LATS1: variants seen among roughly 807,000 people sequenced by gnomAD.
LATS1 encodes large tumor suppressor kinase 1.
A neutral mutation model predicts 106.6 loss-of-function variants in LATS1; 25 were observed. That is an observed-to-expected ratio of 0.23 (90% CI 0.17 to 0.33). The LOEUF (loss-of-function observed/expected upper bound fraction) is 0.33. Among genes scored for constraint, LATS1 ranks in the 10% least tolerant of loss-of-function variants. The pLI, the probability that LATS1 is intolerant of heterozygous loss-of-function variation, is 1.00. For synonymous variants in LATS1, 465 were observed against 455.6 expected, an observed-to-expected ratio of 1.02 and a Z score of -0.26; for missense variants, 1,040 against 1,382.6, an observed-to-expected ratio of 0.75 and a Z score of 3.93.
chr6:149,689,159 CTT>C (rs1266070456), intron 3 of LATS1, among the ~76,000 whole-genome samples: 3 of 150,982 alleles, frequency 2.0e-5, no homozygotes, highest in African/African-American at 7.3e-5. Context: ...CAGAGCAAAA[CTT>C]TGTCTCAAAA....
rs978409261 is a variant in LATS1 at position 149,659,796 on chromosome 6, C to T, written c.*1933G>A. On this transcript the variant is annotated 3_prime_UTR_variant, in exon 8 of 8. Transcript: ENST00000543571. ...TCCATGAACCATGAGGTGAAGACTG[C>T]GATTTCATGATAGCACATTGTTTTA... 4.0e-5 allele frequency: 9 copies of T among 224,416 alleles called. No individual in the cohort carries two copies. The highest frequency in any genetic ancestry group is 8.0e-5 in the Non-Finnish European group (9 of 112,752). The allele number at this position is 224,416 out of a possible 1,614,324, so 13.9% of individuals were successfully genotyped here. A position where few individuals can be genotyped will look rare whatever the true frequency, so the allele number is the denominator to read the frequency against.
At chr6:149,712,921 G>A (rs1784184911) in intron 1 of LATS1, among the ~76,000 whole-genome samples, 1 of 152,112 alleles carries the variant, frequency 6.6e-6, no homozygotes, top group Non-Finnish European at 1.5e-5. Context: ...ATTGAGCCCA[G>A]GAGGTCGAGG....
intron 3 of LATS1, among the ~76,000 whole-genome samples, chr6:149,687,146 G>A (rs1782431682): frequency 2.7e-5 from 4 of 150,366 alleles, no homozygotes; most frequent in Admixed American, 1.3e-4. Context: ...GCTGGAGCGC[G>A]GTGGCATGAT....
intron 1 of LATS1, among the ~76,000 whole-genome samples, chr6:149,706,489 G>A (rs540815360): frequency 6.6e-6 from 1 of 151,886 alleles, no homozygotes; most frequent in African/African-American, 2.4e-5. Flanking sequence ...CAGCCTAGGA[G>A]AGACAGTGAG....
At position 149,661,933 on chromosome 6, in the gene LATS1, T is replaced by G; in HGVS notation, c.3189A>C (p.Gly1063=). 2 of 1,614,038 alleles carry G rather than the reference T, an allele frequency of 1.2e-6. No homozygotes were observed. The highest frequency in any genetic ancestry group is 2.2e-5 in the South Asian group (2 of 91,064). The change falls in exon 8 of 8, where the codon GGA becomes GGC. Residue 1063 remains glycine, a synonymous_variant. Coordinates refer to ENST00000543571, the MANE Select transcript of LATS1 (RefSeq NM_004690.4). Reference sequence around the variant, plus strand: ...CAGGATGCTTTCCATTTTTATACCATCCATTGAGAGTGTCATTTACATTTT... The same window carrying G: ...CAGGATGCTTTCCATTTTTATACCAGCCATTGAGAGTGTCATTTACATTTT... ...EEENVNDTLN[G]WYKNGKHPEH...
At position 149,717,870 on chromosome 6, in the gene LATS1, C is replaced by T. The variant is rs1035858945; in HGVS notation, c.-162G>A. On this transcript the variant is annotated 5_prime_UTR_variant, in exon 1 of 8. Transcript: ENST00000543571. Reference sequence around the variant, plus strand: ...CTACCTGGAGGGGAGAGCAGAGCTCCTGGACAGCGGCCACGGGCCTGAGGG... The same window carrying T: ...CTACCTGGAGGGGAGAGCAGAGCTCTTGGACAGCGGCCACGGGCCTGAGGG... The T allele has an allele frequency of 1.4e-5, 5 of 364,882 alleles. No homozygotes were observed. The highest frequency in any genetic ancestry group is 2.7e-5 in the Non-Finnish European group (5 of 187,652). 22.6% of individuals were successfully genotyped at this position (364,882 alleles called of 1,614,324 possible).
chr6:149,701,858 T>C lies in LATS1; in HGVS notation c.269A>G (p.Asn90Ser). The C allele has an allele frequency of 6.2e-7, 1 of 1,614,204 alleles. No homozygotes were observed. Among genetic ancestry groups the C allele is most frequent in the Non-Finnish European group, 8.5e-7 (1 of 1,180,014 alleles). Residue 90 changes from asparagine to serine, a missense_variant, in exon 2 of 8, where the codon AAT becomes AGT. Physicochemically the swap from Asn to Ser is conservative, Grantham distance 46. Around this residue, in one of 7 missense-constraint regions of LATS1, gnomAD observed 624 missense variants for 714.8 expected, o/e 0.87. Transcript: ENST00000543571. ...EIRNSLLPFA[N>S]ETNSSRSTSE... The stretch of plus-strand genomic sequence containing the variant: ...AGTACTCCGAGAAGAATTTGTTTCA[T>C]TTGCAAATGGAAGCAGAGAGTTTCG...
chr6:149,715,512 A>T (rs1361688101), intron 1 of LATS1, among the ~76,000 whole-genome samples: 1 of 152,200 alleles, frequency 6.6e-6, no homozygotes, highest in Non-Finnish European at 1.5e-5. Flanking sequence ...AAGTTCATGG[A>T]TGTTCATTTT....
At position 149,683,911 on chromosome 6, in the gene LATS1, C is replaced by A. The variant is rs1157992140; in HGVS notation, c.1178G>T (p.Gly393Val). The change falls in exon 4 of 8, where the codon GGA becomes GTA. Residue 393 changes from glycine (G) to valine (V), a missense_variant. Physicochemically the swap from Gly to Val is moderately radical, Grantham distance 109. This residue lies in a region of LATS1 where 624 missense variants were observed against 714.8 expected (regional missense o/e 0.87). Transcript: ENST00000543571. The stretch of plus-strand genomic sequence containing the variant: ...TGTATATGACGAAGGAGCAGCAGAT[C>A]CCCCTGTTTGTAAAGCAGAAGGGCT... The part of the protein sequence containing the change: ...GQSPSALQTG[G>V]SAAPSSYTNG... 6.2e-7 allele frequency: 1 copy of A among 1,613,460 alleles called. No individual in the cohort carries two copies.
At chr6:149,695,608 T>G (rs1783015019) in intron 2 of LATS1, among the ~76,000 whole-genome samples, 1 of 149,426 alleles carries the variant, frequency 6.7e-6, no homozygotes, top group Non-Finnish European at 1.5e-5. Context: ...ACCTGGGAGG[T>G]GGATGTTGCA....
intron 7 of LATS1, among the ~76,000 whole-genome samples, chr6:149,673,349 T>C (rs1166543666): frequency 6.6e-6 from 1 of 151,926 alleles, no homozygotes; most frequent in African/African-American, 2.4e-5. Context: ...TCCACCCGCC[T>C]TGGCTTACCA....
intron 2 of LATS1, among the ~76,000 whole-genome samples, chr6:149,697,352 G>T (rs73608631): frequency 0.024 from 3,661 of 152,188 alleles, 133 homozygotes; most frequent in African/African-American, 0.083. Context: ...CCTTATCTAG[G>T]TACTGGTCCT....
At position 149,714,653 on chromosome 6, in the gene LATS1, A is replaced by C. The variant is rs577097713; in HGVS notation, c.-141+3196T>G. Among the ~76,000 whole-genome samples the C allele has an allele frequency of 7.4e-4, 112 of 152,224 alleles. 1 individual carries two copies. Among genetic ancestry groups the C allele is most frequent in the Middle Eastern group, 3.2e-3 (1 of 316 alleles). ...AGTAAGCAAAAATGAAAGGCAAGCA[A>C]AACCCCAGTATTCTTCAATATACCT... is the stretch of plus-strand genomic sequence containing the variant. On this transcript the variant is annotated intron_variant, in intron 1 of 7. Transcript: ENST00000543571.
intron 7 of LATS1, among the ~76,000 whole-genome samples, chr6:149,663,423 C>T (rs957322018): frequency 1.3e-5 from 2 of 152,022 alleles, no homozygotes; most frequent in South Asian, 2.1e-4. Flanking sequence ...TAGAGTGAGC[C>T]GTGATTGTGC....
rs545214069 is a variant in LATS1, at chr6:149,676,762, T to C, written c.2594-25A>G. ...CCTGCACAACAAAAGAATAAGTAAA[T>C]AAAGTCAACAATGACAACAGTAAAC... On this transcript the variant is annotated intron_variant, in intron 5 of 7. Transcript: ENST00000543571. 9 of 1,590,190 alleles carry C rather than the reference T, an allele frequency of 5.7e-6. No homozygotes were observed. In the Admixed American group the frequency reaches 1.5e-4, roughly 27 times the overall value.
rs1782251427 is a variant in LATS1 at position 149,684,520 on chromosome 6, T to C, written c.569A>G (p.His190Arg). The C allele has an allele frequency of 4.3e-6, 7 of 1,614,110 alleles. No homozygotes were observed. Among genetic ancestry groups the C allele is most frequent in the Non-Finnish European group, 5.9e-6 (7 of 1,179,964 alleles). Reference protein sequence around the residue: ...GSKESLVPQRHGPPLGESVAY... With the variant: ...GSKESLVPQRRGPPLGESVAY... ...CACACTTTCTCCTAGTGGCGGGCCATGCCTCTGAGGAACTAAGGATTCTTT... is the reference window on the plus strand; with the variant it reads ...CACACTTTCTCCTAGTGGCGGGCCACGCCTCTGAGGAACTAAGGATTCTTT... The change falls in exon 4 of 8, where the codon CAT (histidine) becomes CGT (arginine). Residue 190 changes from histidine (H) to arginine (R), a missense_variant. Transcript: ENST00000543571.
At chr6:149,688,938 T>G (rs1407186297) in intron 3 of LATS1, among the ~76,000 whole-genome samples, 1 of 151,676 alleles carries the variant, frequency 6.6e-6, no homozygotes, top group Non-Finnish European at 1.5e-5. Flanking sequence ...GAGGCCGAGG[T>G]GGGCGGATCA....
intron 3 of LATS1, among the ~76,000 whole-genome samples, chr6:149,693,388 G>C (rs1782885114): frequency 6.6e-6 from 1 of 151,952 alleles, no homozygotes; most frequent in African/African-American, 2.4e-5. Context: ...AAGGCAGGCA[G>C]ATCACGAGGT....
chr6:149,682,962 G>A (rs892154341), intron 4 of LATS1, 117 bp downstream of exon 4: 12 of 770,560 alleles, frequency 1.6e-5, no homozygotes, highest in African/African-American at 1.2e-4. Context: ...TTCCATAACT[G>A]ATAATATATT....
Sources: allele counts gnomAD v4.1 joint callset (sites outside exome capture counted in the v4.1 genomes callset), GRCh38; gene constraint gnomAD v4.1.1; regional missense constraint gnomAD v4.1.1; transcripts MANE v1.5; gene names NCBI Gene and HGNC (gene_info 2026-07-23, HGNC 2026-07-21).